SNTG1: variants seen among roughly 807,000 people sequenced by gnomAD.
SNTG1 encodes the protein syntrophin gamma 1.
SNTG1 carries 39 observed loss-of-function variants against 74.7 expected under a neutral mutation model. The ratio of observed to expected loss-of-function variants is 0.52; its 90% CI spans 0.40 to 0.68. SNTG1 has a LOEUF of 0.68. Among genes scored for constraint, SNTG1 ranks in the 30% least tolerant of loss-of-function variants. The pLI, the probability that SNTG1 is intolerant of heterozygous loss-of-function variation, is 0.00. For synonymous variants in SNTG1, 254 were observed against 217.1 expected (o/e 1.17, Z -1.49); for missense variants, 685 against 609.5 (o/e 1.12, Z -1.30).
At chr8:50,040,883 T>G (rs958632535) in intron 1 of SNTG1, among the ~76,000 whole-genome samples, 15 of 152,144 alleles carry the variant, frequency 9.9e-5, no homozygotes, top group Non-Finnish European at 2.2e-4. Flanking sequence ...CAAAGGGGCA[T>G]TTTTTAAATT....
chr8:50,237,869 TA>T (rs886079381), intron 2 of SNTG1, among the ~76,000 whole-genome samples: 3 of 152,096 alleles, frequency 2.0e-5, no homozygotes, highest in African/African-American at 7.2e-5. Flanking sequence ...CCTATTTCTA[TA>T]AAAAAAGATA....
chr8:50,507,064 T>C (rs2094012882), intron 9 of SNTG1, among the ~76,000 whole-genome samples: 1 of 152,128 alleles, frequency 6.6e-6, no homozygotes, highest in Non-Finnish European at 1.5e-5. Flanking sequence ...TTTTTCTTCA[T>C]CAACTGAGGT....
chr8:50,309,237 A>G (rs1332376664), intron 2 of SNTG1, among the ~76,000 whole-genome samples: 1 of 152,108 alleles, frequency 6.6e-6, no homozygotes, highest in East Asian at 1.9e-4. Flanking sequence ...AAATCTGTGT[A>G]TCATTTTCTA....
intron 12 of SNTG1, among the ~76,000 whole-genome samples, chr8:50,569,474 A>G (rs951585367): frequency 2.0e-5 from 3 of 152,144 alleles, no homozygotes; most frequent in Non-Finnish European, 4.4e-5. Context: ...AAGTTAAAAA[A>G]TCATTTTTTT....
chr8:50,227,918 A>C (rs1401071186), intron 2 of SNTG1, among the ~76,000 whole-genome samples: 2 of 43,726 alleles, frequency 4.6e-5, no homozygotes, highest in Admixed American at 3.9e-4. Flanking sequence ...CATAAACAAC[A>C]ACCAAAAAAA....
At position 50,313,219 on chromosome 8, in the gene SNTG1, A is replaced by G. The variant is rs2090181856; in HGVS notation, c.-27-80993A>G. Among the ~76,000 whole-genome samples the G allele has an allele frequency of 2.7e-5, 4 of 150,056 alleles. 1 individual carries two copies. The highest frequency in any genetic ancestry group is 7.4e-5 in the African/African-American group (3 of 40,316). ...TGAAACTATAAAATAATTCAAAGAAAAACTTAGAGGAAAAGCTGCATGATA... is the reference window on the plus strand; with the variant it reads ...TGAAACTATAAAATAATTCAAAGAAGAACTTAGAGGAAAAGCTGCATGATA... On this transcript the variant is annotated intron_variant, in intron 2 of 18. Coordinates refer to ENST00000642720, the MANE Select transcript of SNTG1 (RefSeq NM_018967.5).
At chr8:50,782,640 T>TTTGGTTTGAATTTCC (rs377599860) in intron 18 of SNTG1, among the ~76,000 whole-genome samples, 33,097 of 151,868 alleles carry the variant, frequency 0.22, 3,762 homozygotes, top group South Asian at 0.33. Flanking sequence ...CTTCTTTGCC[T>TTTGGTTTGAATTTCC]TTGGTTTGAA....
rs553508171 is a variant in SNTG1, at chr8:50,316,987, A to G, written c.-27-77225A>G. ...TTCAAGATTTCACTGCTAAAGAAGC[A>G]ATGATTATAAAGGTCTAAGCTGAAT... On this transcript the variant is annotated intron_variant, in intron 2 of 18. Coordinates refer to ENST00000642720, the MANE Select transcript of SNTG1 (RefSeq NM_018967.5). 2.0e-5 allele frequency among the ~76,000 whole-genome samples: 3 copies of G among 152,344 alleles called. No homozygotes were observed. The East Asian group carries it at 5.8e-4, about 29-fold the overall frequency.
intron 8 of SNTG1, among the ~76,000 whole-genome samples, chr8:50,499,983 T>A (rs1585475692): frequency 6.6e-6 from 1 of 152,066 alleles, no homozygotes; most frequent in East Asian, 1.9e-4. Flanking sequence ...TAAAAGTTTG[T>A]TCCTTTTTAT....
intron 1 of SNTG1, among the ~76,000 whole-genome samples, chr8:50,021,141 C>T (rs1212478226): frequency 6.6e-6 from 1 of 152,142 alleles, no homozygotes; most frequent in Admixed American, 6.5e-5. Flanking sequence ...TGTGGGTGTT[C>T]ACCAGAGCTA....
intron 2 of SNTG1, among the ~76,000 whole-genome samples, chr8:50,293,960 G>A (rs921462763): frequency 6.6e-6 from 1 of 152,012 alleles, no homozygotes; most frequent in Non-Finnish European, 1.5e-5. Flanking sequence ...AATTTATGCT[G>A]TGACATTACT....
At chr8:50,058,630 C>A (rs1368832849) in intron 1 of SNTG1, among the ~76,000 whole-genome samples, 1 of 151,970 alleles carries the variant, frequency 6.6e-6, no homozygotes, top group Non-Finnish European at 1.5e-5. Flanking sequence ...TAAACAATTT[C>A]CCTCAATAGT....
chr8:50,309,708 T>C (rs2090035265), intron 2 of SNTG1, among the ~76,000 whole-genome samples: 1 of 152,178 alleles, frequency 6.6e-6, no homozygotes, highest in Admixed American at 6.5e-5. Flanking sequence ...AAGAGTGACA[T>C]TGGCTTCTGA....
chr8:49,936,189 G>A (rs1376168645), intron 1 of SNTG1, among the ~76,000 whole-genome samples: 6 of 152,142 alleles, frequency 3.9e-5, no homozygotes, highest in South Asian at 2.1e-4. Context: ...CAGGCATAAG[G>A]ACCCTTAACA....
intron 1 of SNTG1, among the ~76,000 whole-genome samples, chr8:50,170,261 G>T (rs1332080072): frequency 6.6e-6 from 1 of 151,770 alleles, no homozygotes; most frequent in Admixed American, 6.6e-5. Context: ...AATTCAAGAG[G>T]CTTAATGTAT....
At chr8:50,425,819 G>A (rs2093156750) in intron 4 of SNTG1, among the ~76,000 whole-genome samples, 1 of 152,138 alleles carries the variant, frequency 6.6e-6, no homozygotes, top group Non-Finnish European at 1.5e-5. Context: ...TTTGAATCAA[G>A]GAAAACACTT....
chr8:50,306,933 T>C (rs2130719648), intron 2 of SNTG1, among the ~76,000 whole-genome samples: 1 of 152,208 alleles, frequency 6.6e-6, no homozygotes, highest in South Asian at 2.1e-4. Context: ...TTTGAGGTTT[T>C]AAAATTATAT....
intron 1 of SNTG1, among the ~76,000 whole-genome samples, chr8:50,036,055 C>T (rs1818134039): frequency 6.6e-6 from 1 of 152,148 alleles, no homozygotes; most frequent in Non-Finnish European, 1.5e-5. Flanking sequence ...TTTCTCTTCA[C>T]AACTCCATTT....
chr8:50,142,534 A>G lies in SNTG1; in HGVS notation c.-102-30027A>G, dbSNP rs555925754. Among the ~76,000 whole-genome samples, 179 of 151,780 alleles carry G rather than the reference A, an allele frequency of 1.2e-3. 1 individual carries two copies. The highest frequency in any genetic ancestry group is 2.0e-3 in the Admixed American group (30 of 15,230). Reference sequence around the variant, plus strand: ...AATCAAGCAGTTGGTTAAGTGAGAGAATTTATTTATTTTTTAAGAAAAGGT... The same window carrying G: ...AATCAAGCAGTTGGTTAAGTGAGAGGATTTATTTATTTTTTAAGAAAAGGT... On this transcript the variant is annotated intron_variant, in intron 1 of 18. Transcript: ENST00000642720.
Sources: allele counts gnomAD v4.1 joint callset (sites outside exome capture counted in the v4.1 genomes callset), GRCh38; gene constraint gnomAD v4.1.1; transcripts MANE v1.5; gene names NCBI Gene and HGNC (gene_info 2026-07-23, HGNC 2026-07-21).